ST3GAL3: variants seen among roughly 807,000 people sequenced by gnomAD.
ST3GAL3 encodes the protein ST3 beta-galactoside alpha-2,3-sialyltransferase 3.
In ST3GAL3, 21 loss-of-function variants were observed where a neutral mutation model predicts 50.1. The observed-to-expected ratio is 0.42, with a 90% CI of 0.30 to 0.60. The LOEUF (loss-of-function observed/expected upper bound fraction) is 0.60. ST3GAL3 is among the 20% of genes least tolerant of loss of function. ST3GAL3 has a pLI of 0.19. For missense variants in ST3GAL3, 353 were observed against 489.4 expected (o/e 0.72, Z 2.63); for synonymous variants, 183 against 190.0 (o/e 0.96, Z 0.30).
At chr1:43,736,896 G>T in intron 2 of ST3GAL3, 1 of 223,034 alleles carries the variant, frequency 4.5e-6, no homozygotes, top group Non-Finnish European at 9.0e-6. Flanking sequence ...CTACAATAAT[G>T]GCTTATTTTC....
intron 5 of ST3GAL3, among the ~76,000 whole-genome samples, chr1:43,890,257 A>G (rs2076516955): frequency 6.6e-6 from 1 of 152,208 alleles, no homozygotes; most frequent in Non-Finnish European, 1.5e-5. Flanking sequence ...AATTTCCGGG[A>G]ATTTTCAAAA....
intron 5 of ST3GAL3, among the ~76,000 whole-genome samples, chr1:43,866,912 A>G (rs1199941591): frequency 1.3e-5 from 2 of 152,158 alleles, no homozygotes; most frequent in African/African-American, 4.8e-5. Flanking sequence ...TGGGTGGATC[A>G]TGAGGTCAGG....
chr1:43,871,449 A>T (rs1251916172), intron 5 of ST3GAL3, among the ~76,000 whole-genome samples: 1 of 129,718 alleles, frequency 7.7e-6, no homozygotes, highest in East Asian at 2.7e-4. Context: ...AGAAGATGGC[A>T]TGTGAAGAAG....
chr1:43,725,185 GCTTTTTT>G (rs1204392545), intron 1 of ST3GAL3, among the ~76,000 whole-genome samples: 2 of 152,046 alleles, frequency 1.3e-5, no homozygotes, highest in Non-Finnish European at 2.9e-5. Context: ...TTACCTGCAT[GCTTTTTT>G]CTTTTTTCTT....
chr1:43,824,576 T>C (rs2062535363), intron 4 of ST3GAL3, among the ~76,000 whole-genome samples: 1 of 152,204 alleles, frequency 6.6e-6, no homozygotes, highest in Non-Finnish European at 1.5e-5. Flanking sequence ...GGGCCATACT[T>C]ACTTCACAAC....
Position 43,899,111 on chromosome 1 carries a change from G to A in ST3GAL3, c.462-57G>A. ...GTGGGGTCAAGGGCCAAAGGAGCAGGGAAAGAGACCTGGTGGGCAGCTCTC... is the reference window on the plus strand; with the variant it reads ...GTGGGGTCAAGGGCCAAAGGAGCAGAGAAAGAGACCTGGTGGGCAGCTCTC... On this transcript the variant is annotated intron_variant, in intron 7 of 11. Transcript: ENST00000347631. The surrounding 1 kb of genome is among the most constrained non-coding windows in gnomAD (Gnocchi z 5.4). The A allele has an allele frequency of 2.5e-6, 4 of 1,612,230 alleles. No homozygotes were observed. The highest frequency in any genetic ancestry group is 3.4e-6 in the Non-Finnish European group (4 of 1,179,524).
intron 2 of ST3GAL3, among the ~76,000 whole-genome samples, chr1:43,777,602 T>C (rs1490929884): frequency 6.6e-6 from 1 of 152,100 alleles, no homozygotes; most frequent in East Asian, 1.9e-4. Flanking sequence ...ATACAAAAAT[T>C]AACTCAAGAC....
chr1:43,916,221 A>G (rs1049592922), intron 9 of ST3GAL3, among the ~76,000 whole-genome samples: 5 of 152,070 alleles, frequency 3.3e-5, no homozygotes, highest in African/African-American at 1.2e-4. Context: ...CAGTTACTCT[A>G]CTGGGCTTTG....
intron 9 of ST3GAL3, among the ~76,000 whole-genome samples, chr1:43,904,543 C>G (rs572316517): frequency 6.6e-6 from 1 of 152,000 alleles, no homozygotes; most frequent in Non-Finnish European, 1.5e-5. Context: ...GTTGCCATAT[C>G]TTAACCATTG....
intron 1 of ST3GAL3, among the ~76,000 whole-genome samples, chr1:43,723,735 C>T (rs1328880877): frequency 1.3e-5 from 2 of 152,064 alleles, no homozygotes; most frequent in Non-Finnish European, 2.9e-5. Context: ...TCTCAGCTTC[C>T]CAAGTATTTG....
chr1:43,827,208 G>T (rs2062925611), intron 4 of ST3GAL3, among the ~76,000 whole-genome samples: 1 of 152,086 alleles, frequency 6.6e-6, no homozygotes, highest in African/African-American at 2.4e-5. Flanking sequence ...AAACATTCTG[G>T]AACTAATAAG....
At chr1:43,801,408 A>T (rs1281654742) in intron 3 of ST3GAL3, 1 of 455,798 alleles carries the variant, frequency 2.2e-6, no homozygotes, top group Non-Finnish European at 4.4e-6. Flanking sequence ...TTGAAATTCC[A>T]TTCTGGGGCT....
intron 3 of ST3GAL3, among the ~76,000 whole-genome samples, chr1:43,811,998 T>C (rs1021945939): frequency 6.6e-6 from 1 of 152,230 alleles, no homozygotes; most frequent in African/African-American, 2.4e-5. Flanking sequence ...GTGTCTGAAA[T>C]GTATCACCTT....
intron 11 of ST3GAL3, chr1:43,921,309 C>T: frequency 2.0e-6 from 1 of 505,218 alleles, no homozygotes. Flanking sequence ...TTCTCCATAT[C>T]TCTTCCACCC....
chr1:43,811,815 G>T (rs556601911), intron 3 of ST3GAL3, among the ~76,000 whole-genome samples: 1 of 152,064 alleles, frequency 6.6e-6, no homozygotes, highest in South Asian at 2.1e-4. Context: ...TACCCATCCT[G>T]CCCTGTTCAT....
chr1:43,745,225 C>T (rs2154102410), intron 2 of ST3GAL3, among the ~76,000 whole-genome samples: 1 of 152,126 alleles, frequency 6.6e-6, no homozygotes, highest in Non-Finnish European at 1.5e-5. Flanking sequence ...AAATAATAAC[C>T]CAGTAAAGTG....
chr1:43,713,267 G>T (rs1665685278), intron 1 of ST3GAL3, among the ~76,000 whole-genome samples: 1 of 152,150 alleles, frequency 6.6e-6, no homozygotes, highest in African/African-American at 2.4e-5. Flanking sequence ...CCTTGGATAG[G>T]CTTCAGAATG....
At chr1:43,864,134 C>G (rs1278824553) in intron 5 of ST3GAL3, among the ~76,000 whole-genome samples, 1 of 152,284 alleles carries the variant, frequency 6.6e-6, no homozygotes, top group East Asian at 1.9e-4. Flanking sequence ...CAGAAATCAG[C>G]CGGGCATGGT....
At chr1:43,920,311 C>T (rs1314442039) in intron 9 of ST3GAL3, 93 bp from the exon 10 acceptor site, 61 of 1,539,046 alleles carry the variant, frequency 4.0e-5, no homozygotes, top group Admixed American at 6.7e-5. Flanking sequence ...CTCATGCTCC[C>T]GCCTCACTGT....
Sources: allele counts gnomAD v4.1 joint callset (sites outside exome capture counted in the v4.1 genomes callset), GRCh38; gene constraint gnomAD v4.1.1; non-coding constraint Gnocchi (gnomAD v3.1); transcripts MANE v1.5; gene names NCBI Gene and HGNC (gene_info 2026-07-23, HGNC 2026-07-21).